Variants in CLNK observed in about 807,000 individuals in gnomAD.
The protein encoded by CLNK is cytokine-dependent hematopoietic cell linker.
CLNK carries 74 observed loss-of-function variants against 68.6 expected under a neutral mutation model. The observed-to-expected ratio is 1.08, with a 90% CI of 0.89 to 1.31. The LOEUF is 1.31. Among genes scored for constraint, CLNK ranks in the 50% most tolerant of loss-of-function variants. The pLI, the probability that CLNK is intolerant of heterozygous loss-of-function variation, is 0.00. For missense variants in CLNK, 553 were observed against 515.3 expected (o/e 1.07, Z -0.71); for synonymous variants, 198 against 172.2 (o/e 1.15, Z -1.17).
Position 10,525,890 on chromosome 4 carries a change from G to T in CLNK, c.682C>A (p.His228Asn), listed in dbSNP as rs746693451. The T allele has an allele frequency of 6.3e-7, 1 of 1,581,706 alleles. No individual in the cohort carries two copies. Among genetic ancestry groups the T allele is most frequent in the Non-Finnish European group, 8.6e-7 (1 of 1,161,836 alleles). ...TGAGTATTTTGGTTTTCTAACAGATGAGTTGATTCAGGCTTCCTCTGGTTA... is the reference window on the plus strand; with the variant it reads ...TGAGTATTTTGGTTTTCTAACAGATTAGTTGATTCAGGCTTCCTCTGGTTA... ...PHNQRKPEST[H>N]LLENQNTQEI... The change falls in exon 14 of 19, where the codon CAT (histidine) becomes AAT (asparagine). Residue 228 changes from histidine to asparagine, a missense_variant. By Grantham distance (68) the His-to-Asn change is moderately conservative. Coordinates refer to ENST00000226951, the MANE Select transcript of CLNK (RefSeq NM_052964.4).
intron 11 of CLNK, among the ~76,000 whole-genome samples, chr4:10,537,975 C>G (rs1407607946): frequency 2.6e-5 from 4 of 151,626 alleles, no homozygotes; most frequent in Non-Finnish European, 4.4e-5. Flanking sequence ...GTCATACTGC[C>G]AAAAGTGGCT....
intron 2 of CLNK, among the ~76,000 whole-genome samples, chr4:10,655,140 T>A (rs927301927): frequency 4.0e-5 from 6 of 150,130 alleles, no homozygotes; most frequent in Non-Finnish European, 8.9e-5. Flanking sequence ...CAAAAAGATG[T>A]TAAGGTCTGG....
intron 3 of CLNK, among the ~76,000 whole-genome samples, chr4:10,588,403 A>T (rs1030947085): frequency 6.6e-6 from 1 of 152,204 alleles, no homozygotes; most frequent in African/African-American, 2.4e-5. Context: ...TTAGTTTTTT[A>T]AATGGGAGAA....
chr4:10,627,522 A>G (rs1342433332), intron 2 of CLNK, among the ~76,000 whole-genome samples: 1 of 152,186 alleles, frequency 6.6e-6, no homozygotes, highest in African/African-American at 2.4e-5. Flanking sequence ...ATTGATCCAA[A>G]CAACATTGCC....
chr4:10,637,890 T>C (rs1172612456), intron 2 of CLNK, among the ~76,000 whole-genome samples: 2 of 151,960 alleles, frequency 1.3e-5, no homozygotes, highest in Non-Finnish European at 2.9e-5. Flanking sequence ...GCGTGAGCCA[T>C]CATTCTGCGC....
intron 2 of CLNK, among the ~76,000 whole-genome samples, chr4:10,601,255 C>T (rs767653852): frequency 3.3e-5 from 5 of 152,054 alleles, no homozygotes; most frequent in African/African-American, 7.2e-5. Flanking sequence ...AGGAAGCCAG[C>T]GCAGGCCCAG....
intron 2 of CLNK, among the ~76,000 whole-genome samples, chr4:10,620,979 G>A (rs1361541700): frequency 6.6e-6 from 1 of 151,922 alleles, no homozygotes; most frequent in Non-Finnish European, 1.5e-5. Context: ...GCGTAGTGGT[G>A]GGCACCTGTA....
chr4:10,638,293 T>C (rs1204053837), intron 2 of CLNK, among the ~76,000 whole-genome samples: 2 of 152,226 alleles, frequency 1.3e-5, no homozygotes, highest in Non-Finnish European at 2.9e-5. Flanking sequence ...GATGCCTGTG[T>C]AATAAATTGT....
At chr4:10,503,021 A>T (rs1181570479) in intron 17 of CLNK, among the ~76,000 whole-genome samples, 1 of 152,222 alleles carries the variant, frequency 6.6e-6, no homozygotes, top group Non-Finnish European at 1.5e-5. Context: ...TGGTTGTAAA[A>T]GATTGAGAAA....
the CLNK span, among the ~76,000 whole-genome samples, chr4:10,719,753 G>A: frequency 6.6e-6 from 1 of 152,104 alleles, no homozygotes; most frequent in Admixed American, 6.5e-5. Context: ...TCCATCCGAT[G>A]ATGGCAGAAT....
intron 1 of CLNK, among the ~76,000 whole-genome samples, chr4:10,683,604 G>T (rs1336062129): frequency 1.3e-5 from 2 of 152,210 alleles, no homozygotes; most frequent in Non-Finnish European, 2.9e-5. Context: ...ACCAGGGAAA[G>T]TAATAGCCAG....
intron 8 of CLNK, among the ~76,000 whole-genome samples, chr4:10,545,675 G>C (rs1338475072): frequency 6.6e-6 from 1 of 152,140 alleles, no homozygotes; most frequent in African/African-American, 2.4e-5. Flanking sequence ...CCACATATCT[G>C]CTTTGTATAG....
chr4:10,501,551 T>C, intron 17 of CLNK, 140 bp from the exon 18 acceptor site: 1 of 779,544 alleles, frequency 1.3e-6, no homozygotes, highest in Non-Finnish European at 2.0e-6. Flanking sequence ...CAGTAAGTTT[T>C]TACTGAGTGT....
intron 2 of CLNK, among the ~76,000 whole-genome samples, chr4:10,659,049 A>G (rs1370242718): frequency 6.6e-6 from 1 of 152,124 alleles, no homozygotes; most frequent in African/African-American, 2.4e-5. Context: ...CAGAAAATAC[A>G]AAAAATGAGC....
chr4:10,706,476 G>A, the CLNK span, among the ~76,000 whole-genome samples: 1 of 152,190 alleles, frequency 6.6e-6, no homozygotes, highest in Non-Finnish European at 1.5e-5. Context: ...GTTTCACTGG[G>A]CAAGGGAAAT....
At chr4:10,699,766 A>G in the CLNK span, among the ~76,000 whole-genome samples, 1 of 151,594 alleles carries the variant, frequency 6.6e-6, no homozygotes, top group African/African-American at 2.4e-5. Context: ...CATCCGCCTC[A>G]GCCTCCCAAA....
intron 7 of CLNK, among the ~76,000 whole-genome samples, chr4:10,559,800 T>C (rs1719817296): frequency 6.6e-6 from 1 of 152,152 alleles, no homozygotes; most frequent in African/African-American, 2.4e-5. Flanking sequence ...GTGGCAATGC[T>C]AGATTATGAG....
the CLNK span, among the ~76,000 whole-genome samples, chr4:10,698,040 G>C: frequency 6.6e-6 from 1 of 152,190 alleles, no homozygotes; most frequent in Non-Finnish European, 1.5e-5. Context: ...AAGTAGGTAT[G>C]TGGGGGTAAA....
intron 2 of CLNK, among the ~76,000 whole-genome samples, chr4:10,653,527 T>G (rs1375397419): frequency 6.6e-6 from 1 of 152,082 alleles, no homozygotes; most frequent in Non-Finnish European, 1.5e-5. Context: ...GAATAAATAA[T>G]AATGGGAATT....
Sources: allele counts gnomAD v4.1 joint callset (sites outside exome capture counted in the v4.1 genomes callset), GRCh38; gene constraint gnomAD v4.1.1; transcripts MANE v1.5; gene names NCBI Gene and HGNC (gene_info 2026-07-23, HGNC 2026-07-21).